PALM2AKAP2: variants seen among roughly 807,000 people sequenced by gnomAD.
The protein encoded by PALM2AKAP2 is PALM2 and AKAP2 fusion.
In PALM2AKAP2, 37 loss-of-function variants were observed where a neutral mutation model predicts 71.5. The observed-to-expected ratio is 0.52, with a 90% CI of 0.40 to 0.68. The LOEUF is 0.68. Ranked by LOEUF, PALM2AKAP2 falls within the 30% of genes least tolerant of loss-of-function variation. The pLI is 0.00. For missense variants in PALM2AKAP2, 1,224 were observed against 1,191.8 expected, an observed-to-expected ratio of 1.03 and a Z score of -0.40; for synonymous variants, 468 against 478.8, an observed-to-expected ratio of 0.98 and a Z score of 0.29.
At chr9:110,146,197 G>A (rs997575380) in intron 2 of PALM2AKAP2, among the ~76,000 whole-genome samples, 4 of 152,082 alleles carry the variant, frequency 2.6e-5, no homozygotes, top group South Asian at 2.1e-4. Context: ...GAGCCACCGC[G>A]TGCAGCCCAG....
At chr9:110,001,730 G>T (rs1002854654) in intron 6 of PALM2AKAP2, among the ~76,000 whole-genome samples, 1 of 152,074 alleles carries the variant, frequency 6.6e-6, no homozygotes, top group East Asian at 1.9e-4. Flanking sequence ...GGTCCTTCAT[G>T]TCCCTTGTAA....
chr9:109,894,513 A>G (rs1461334531), intron 3 of PALM2AKAP2, among the ~76,000 whole-genome samples: 2 of 152,234 alleles, frequency 1.3e-5, no homozygotes, highest in Non-Finnish European at 1.5e-5. Context: ...TGACAAAGAC[A>G]GAAATTGCCA....
intron 1 of PALM2AKAP2, among the ~76,000 whole-genome samples, chr9:109,655,431 G>C (rs948112234): frequency 6.6e-6 from 1 of 151,486 alleles, no homozygotes. Context: ...TATGTATTTT[G>C]TGTGTGTGGT....
At chr9:109,844,856 A>C (rs138444921) in intron 1 of PALM2AKAP2, among the ~76,000 whole-genome samples, 1 of 152,060 alleles carries the variant, frequency 6.6e-6, no homozygotes, top group Admixed American at 6.6e-5. Context: ...TGCTCTCGTC[A>C]TACCTCACCT....
intron 1 of PALM2AKAP2, among the ~76,000 whole-genome samples, chr9:110,059,491 A>C (rs1833916382): frequency 6.6e-6 from 1 of 152,246 alleles, no homozygotes. Context: ...TTTGGAACCC[A>C]AACTGGATTT....
chr9:109,786,998 G>T (rs1054900121), intron 1 of PALM2AKAP2, among the ~76,000 whole-genome samples: 1 of 152,194 alleles, frequency 6.6e-6, no homozygotes, highest in Non-Finnish European at 1.5e-5. Flanking sequence ...TGATGAACTT[G>T]CTTGGCAGTA....
chr9:109,668,477 C>T (rs1466484780), intron 1 of PALM2AKAP2, among the ~76,000 whole-genome samples: 1 of 152,216 alleles, frequency 6.6e-6, no homozygotes, highest in Non-Finnish European at 1.5e-5. Flanking sequence ...CCTGTCAAAG[C>T]ATAACTCAGA....
At chr9:109,751,350 G>A (rs1447978437) in intron 1 of PALM2AKAP2, among the ~76,000 whole-genome samples, 3 of 152,110 alleles carry the variant, frequency 2.0e-5, no homozygotes, top group Admixed American at 6.6e-5. Context: ...GACAGCCCCC[G>A]TTTCTGTTGA....
At chr9:109,750,188 G>A (rs9299173) in intron 1 of PALM2AKAP2, among the ~76,000 whole-genome samples, 46,418 of 151,990 alleles carry the variant, frequency 0.31, 7,236 homozygotes, top group East Asian at 0.4. Flanking sequence ...TGAGACAAAG[G>A]CTGTTGACTA....
chr9:109,692,083 AAAATTTTT>A (rs1437851093), intron 1 of PALM2AKAP2, among the ~76,000 whole-genome samples: 2 of 150,206 alleles, frequency 1.3e-5, no homozygotes, highest in Non-Finnish European at 3.0e-5. Flanking sequence ...AAATTTTTAA[AAAATTTTT>A]AAATTGAGAT....
At chr9:109,767,000 A>G (rs1028868) in intron 1 of PALM2AKAP2, among the ~76,000 whole-genome samples, 127,874 of 152,162 alleles carry the variant, frequency 0.84, 54,292 homozygotes, top group African/African-American at 0.96. Flanking sequence ...TACCTGCCAG[A>G]CACTGTGCCT....
intron 1 of PALM2AKAP2, chr9:109,862,769 G>A (rs924686552): frequency 8.9e-6 from 4 of 447,658 alleles, no homozygotes; most frequent in Admixed American, 4.8e-5. Flanking sequence ...GTTCATTAAA[G>A]CTTCATGGAT....
intron 1 of PALM2AKAP2, among the ~76,000 whole-genome samples, chr9:109,677,092 G>T (rs1335559413): frequency 6.6e-6 from 1 of 152,144 alleles, no homozygotes; most frequent in Non-Finnish European, 1.5e-5. Context: ...AGAAGGTTAT[G>T]CAGGATCAAG....
intron 1 of PALM2AKAP2, among the ~76,000 whole-genome samples, chr9:109,851,209 C>CAACAACAA (rs1351473290): frequency 6.9e-6 from 1 of 144,902 alleles, no homozygotes; most frequent in Non-Finnish European, 1.5e-5. Context: ...ACAACAACAA[C>CAACAACAA]AAAAAAAAAA....
chr9:109,703,863 A>G (rs1295161922), intron 1 of PALM2AKAP2, among the ~76,000 whole-genome samples: 1 of 152,206 alleles, frequency 6.6e-6, no homozygotes, highest in Non-Finnish European at 1.5e-5. Context: ...GTCCTTGGAT[A>G]TAAGAAAATT....
intron 6 of PALM2AKAP2, among the ~76,000 whole-genome samples, chr9:109,992,555 A>T (rs945052989): frequency 1.3e-5 from 2 of 152,130 alleles, no homozygotes; most frequent in Non-Finnish European, 2.9e-5. Context: ...AGTAGTTGGG[A>T]CTGCAGGCAT....
chr9:110,071,689 G>A (rs1264676503), intron 1 of PALM2AKAP2, among the ~76,000 whole-genome samples: 1 of 152,150 alleles, frequency 6.6e-6, no homozygotes, highest in Non-Finnish European at 1.5e-5. Flanking sequence ...TAGAAAATGG[G>A]CATATTTTCC....
intron 1 of PALM2AKAP2, among the ~76,000 whole-genome samples, chr9:110,052,093 AG>A (rs1232626912): frequency 1.3e-5 from 2 of 152,078 alleles, no homozygotes; most frequent in Non-Finnish European, 1.5e-5. Flanking sequence ...TAGTAGAGAC[AG>A]GGTTTCACCA....
At chr9:110,118,645 G>A (rs903160510) in intron 1 of PALM2AKAP2, among the ~76,000 whole-genome samples, 1 of 152,190 alleles carries the variant, frequency 6.6e-6, no homozygotes, top group East Asian at 1.9e-4. Flanking sequence ...CTGTCTCTCT[G>A]TATTTTTTAA....
Sources: allele counts gnomAD v4.1 joint callset (sites outside exome capture counted in the v4.1 genomes callset), GRCh38; gene constraint gnomAD v4.1.1; transcripts MANE v1.5; gene names NCBI Gene and HGNC (gene_info 2026-07-23, HGNC 2026-07-21).